The following PRKCE variants were observed in gnomAD, a reference collection of about 807,000 sequenced individuals.
PRKCE encodes the protein protein kinase C epsilon.
Under a neutral mutation model 85.4 loss-of-function variants are expected in PRKCE, and 16 were observed. The ratio of observed to expected loss-of-function variants is 0.19; its 90% CI spans 0.13 to 0.28. The LOEUF is 0.28. Ranked by LOEUF, PRKCE falls within the 10% of genes least tolerant of loss-of-function variation. PRKCE has a pLI of 1.00. For synonymous variants in PRKCE, 388 were observed against 371.5 expected, an observed-to-expected ratio of 1.04 and a Z score of -0.51; for missense variants, 573 against 975.2, an observed-to-expected ratio of 0.59 and a Z score of 5.49.
At chr2:45,701,359 T>C (rs1488103314) in intron 1 of PRKCE, 1 of 152,116 alleles carries the variant, frequency 6.6e-6, no homozygotes, top group African/African-American at 2.4e-5. Context: ...GATCCACCTA[T>C]CTATCTGTCT....
intron 11 of PRKCE, among the ~76,000 whole-genome samples, chr2:46,121,002 CCT>C (rs1372569244): frequency 6.6e-6 from 1 of 152,188 alleles, no homozygotes; most frequent in African/African-American, 2.4e-5. Context: ...TTTTTAAAAA[CCT>C]AACTCAGTCA....
chr2:45,749,720 CAG>C (rs1367192456), intron 1 of PRKCE, among the ~76,000 whole-genome samples: 1 of 152,162 alleles, frequency 6.6e-6, no homozygotes, highest in Non-Finnish European at 1.5e-5. Context: ...GTGAATTCTC[CAG>C]AGTTTCACAG....
chr2:46,153,497 C>A (rs1207341028), intron 13 of PRKCE, among the ~76,000 whole-genome samples: 2 of 152,132 alleles, frequency 1.3e-5, no homozygotes, highest in African/African-American at 4.8e-5. Flanking sequence ...GAGCAACAGG[C>A]TGCATGGGGT....
In PRKCE at chr2:46,133,700, C is replaced by G. The variant is rs192077600; in HGVS notation, c.1593-11393C>G. 2.6e-5 allele frequency among the ~76,000 whole-genome samples: 4 copies of G among 152,174 alleles called. No homozygotes were observed. In the East Asian group the frequency reaches 7.7e-4, roughly 29 times the overall value. ...CCAATCATCATTTCGTTCTGACATT[C>G]AGTGAACATTGAATACTGGGTACTT... On this transcript the variant is annotated intron_variant, in intron 11 of 14. Transcript: ENST00000306156.
intron 2 of PRKCE, among the ~76,000 whole-genome samples, chr2:45,902,637 G>C (rs1696663769): frequency 6.6e-6 from 1 of 152,188 alleles, no homozygotes; most frequent in Non-Finnish European, 1.5e-5. Flanking sequence ...TGGAACTTGG[G>C]TAAGGTCTTC....
chr2:46,013,910 T>C (rs143542992), intron 10 of PRKCE, among the ~76,000 whole-genome samples: 2 of 152,290 alleles, frequency 1.3e-5, no homozygotes, highest in African/African-American at 2.4e-5. Flanking sequence ...GATGTCACCA[T>C]ATCTAATACG....
At chr2:46,098,762 T>G (rs1301516550) in intron 11 of PRKCE, among the ~76,000 whole-genome samples, 1 of 152,244 alleles carries the variant, frequency 6.6e-6, no homozygotes, top group Non-Finnish European at 1.5e-5. Context: ...CTTCAATGCC[T>G]TTGGCTATTG....
At chr2:45,781,467 C>A (rs1156276949) in intron 1 of PRKCE, among the ~76,000 whole-genome samples, 2 of 152,234 alleles carry the variant, frequency 1.3e-5, no homozygotes, top group Non-Finnish European at 2.9e-5. Context: ...AGTCTCCCCT[C>A]CCCCTACCTT....
At chr2:46,048,811 ATAT>A (rs1708681006) in intron 10 of PRKCE, among the ~76,000 whole-genome samples, 2 of 152,278 alleles carry the variant, frequency 1.3e-5, no homozygotes, top group African/African-American at 4.8e-5. Context: ...AGCTCTGGAA[ATAT>A]TGTTCCTCTT....
At chr2:46,114,636 G>T (rs1476020084) in intron 11 of PRKCE, among the ~76,000 whole-genome samples, 1 of 151,514 alleles carries the variant, frequency 6.6e-6, no homozygotes, top group African/African-American at 2.4e-5. Flanking sequence ...AGCCAGGATG[G>T]TCTCGATCTC....
At chr2:45,654,614 G>T (rs771636369) in intron 1 of PRKCE, among the ~76,000 whole-genome samples, 5 of 152,180 alleles carry the variant, frequency 3.3e-5, no homozygotes, top group Non-Finnish European at 5.9e-5. Context: ...CATTTTTATT[G>T]TACTTGATAA....
At chr2:46,044,942 C>T (rs976704044) in intron 10 of PRKCE, among the ~76,000 whole-genome samples, 1 of 152,170 alleles carries the variant, frequency 6.6e-6, no homozygotes, top group African/African-American at 2.4e-5. Context: ...TCTTCTTATT[C>T]TATATACTTC....
intron 1 of PRKCE, among the ~76,000 whole-genome samples, chr2:45,812,666 A>G (rs2105275123): frequency 6.6e-6 from 1 of 152,372 alleles, no homozygotes; most frequent in Non-Finnish European, 1.5e-5. Flanking sequence ...TAGTATTAGT[A>G]AATGCTGTGA....
chr2:45,872,722 C>T (rs1694188628), intron 2 of PRKCE, among the ~76,000 whole-genome samples: 1 of 152,178 alleles, frequency 6.6e-6, no homozygotes, highest in Admixed American at 6.6e-5. Context: ...TTCTAAGCAA[C>T]TGGAAGGACA....
chr2:45,804,524 G>T (rs1267483403), intron 1 of PRKCE, among the ~76,000 whole-genome samples: 9 of 152,192 alleles, frequency 5.9e-5, no homozygotes, highest in Non-Finnish European at 1.5e-5. Context: ...CTATACTGAG[G>T]TGCTGAAGTA....
chr2:45,768,640 C>T (rs527602560), intron 1 of PRKCE, among the ~76,000 whole-genome samples: 1 of 152,198 alleles, frequency 6.6e-6, no homozygotes, highest in Non-Finnish European at 1.5e-5. Context: ...ATGGGCCAGA[C>T]AGAGAATGGA....
intron 1 of PRKCE, among the ~76,000 whole-genome samples, chr2:45,671,034 G>A (rs749600797): frequency 1.3e-5 from 2 of 152,204 alleles, no homozygotes; most frequent in South Asian, 4.1e-4. Flanking sequence ...TGTAATACAA[G>A]GCGGGTTTCC....
At chr2:45,766,007 C>T (rs1684882860) in intron 1 of PRKCE, among the ~76,000 whole-genome samples, 1 of 152,148 alleles carries the variant, frequency 6.6e-6, no homozygotes, top group Non-Finnish European at 1.5e-5. Flanking sequence ...AACCTGATCC[C>T]CTCCCCCACC....
At chr2:45,747,352 C>G (rs72886123) in intron 1 of PRKCE, among the ~76,000 whole-genome samples, 7,827 of 152,290 alleles carry the variant, frequency 0.051, 665 homozygotes, top group African/African-American at 0.18. Flanking sequence ...CTATTAAACA[C>G]TAACTTCCCA....
Sources: allele counts gnomAD v4.1 joint callset (sites outside exome capture counted in the v4.1 genomes callset), GRCh38; gene constraint gnomAD v4.1.1; transcripts MANE v1.5; gene names NCBI Gene and HGNC (gene_info 2026-07-23, HGNC 2026-07-21).